The following RFX4 variants were observed in gnomAD, a reference collection of about 807,000 sequenced individuals.
RFX4 encodes the protein regulatory factor X4.
In RFX4, 10 loss-of-function variants were observed where a neutral mutation model predicts 95.0. The ratio of observed to expected loss-of-function variants is 0.11; its 90% CI spans 0.06 to 0.18. RFX4 has a LOEUF of 0.18. Ranked by LOEUF, RFX4 falls within the 10% of genes least tolerant of loss-of-function variation. The pLI, the probability that RFX4 is intolerant of heterozygous loss-of-function variation, is 1.00. For missense variants in RFX4, 640 were observed against 922.0 expected (o/e 0.69, Z 3.96); for synonymous variants, 321 against 340.7 (o/e 0.94, Z 0.64).
chr12:106,734,236 G>A (rs2042666759), intron 15 of RFX4, among the ~76,000 whole-genome samples: 1 of 152,190 alleles, frequency 6.6e-6, no homozygotes, highest in Non-Finnish European at 1.5e-5. Flanking sequence ...AAAAGCTCTG[G>A]AGATGGATGG....
intron 4 of RFX4, among the ~76,000 whole-genome samples, chr12:106,676,893 G>C (rs1231400646): frequency 6.6e-6 from 1 of 152,214 alleles, no homozygotes; most frequent in Non-Finnish European, 1.5e-5. Flanking sequence ...GGAATGAGAG[G>C]CTTCGAGACA....
intron 5 of RFX4, among the ~76,000 whole-genome samples, chr12:106,686,398 C>T (rs200645005): frequency 4.3e-5 from 6 of 141,008 alleles, no homozygotes; most frequent in Admixed American, 3.0e-4. Context: ...GGTGACAGAG[C>T]GAGACTCTGT....
chr12:106,617,099 GTTCT>G (rs2040087746), intron 2 of RFX4, among the ~76,000 whole-genome samples: 1 of 151,976 alleles, frequency 6.6e-6, no homozygotes, highest in Admixed American at 6.6e-5. Context: ...CTATGTTGAT[GTTCT>G]TTCATTTTTG....
intron 1 of RFX4, among the ~76,000 whole-genome samples, chr12:106,604,166 G>C (rs1366324261): frequency 1.4e-5 from 2 of 144,468 alleles, no homozygotes; most frequent in African/African-American, 5.2e-5. Flanking sequence ...TGTCACCCAG[G>C]CTGGAGTGCA....
intron 3 of RFX4, among the ~76,000 whole-genome samples, chr12:106,652,925 A>C (rs559511115): frequency 6.6e-6 from 1 of 152,196 alleles, no homozygotes; most frequent in East Asian, 1.9e-4. Context: ...ATTATGCCTT[A>C]TTTTTGACCA....
intron 1 of RFX4, among the ~76,000 whole-genome samples, chr12:106,588,850 G>A (rs909611241): frequency 1.3e-5 from 2 of 152,100 alleles, no homozygotes; most frequent in African/African-American, 4.8e-5. Flanking sequence ...TGAAACATAG[G>A]GTTTTTCTTT....
chr12:106,622,303 G>T (rs2137238812), intron 2 of RFX4, among the ~76,000 whole-genome samples: 1 of 152,206 alleles, frequency 6.6e-6, no homozygotes, highest in Admixed American at 6.5e-5. Context: ...TCTGAGGAAA[G>T]AAAAGAATTG....
chr12:106,739,602 TATTA>T (rs1488065340), intron 15 of RFX4, among the ~76,000 whole-genome samples: 6 of 152,334 alleles, frequency 3.9e-5, no homozygotes, highest in Non-Finnish European at 5.9e-5. Flanking sequence ...TGACTGTACT[TATTA>T]ATTGTTTTTT....
rs561525228 is a variant in RFX4, at chr12:106,602,697, C to G, written c.44-6100C>G. Among the ~76,000 whole-genome samples the G allele has an allele frequency of 8.5e-5, 13 of 152,288 alleles. No individual in the cohort carries two copies. The East Asian group carries it at 2.5e-3, about 29-fold the overall frequency. ...TCCCCTCTCTCTGAATCTTGGGAAA[C>G]CTTGCTCCCTCACTAAACTCAGTGT... is the stretch of plus-strand genomic sequence containing the variant. On this transcript the variant is annotated intron_variant, in intron 1 of 17. Transcript: ENST00000392842.
intron 10 of RFX4, 29 bp from the exon 11 acceptor site, chr12:106,715,371 G>A (rs1161924127): frequency 1.2e-6 from 2 of 1,606,550 alleles, no homozygotes; most frequent in Admixed American, 1.7e-5. Context: ...CAACCCATGA[G>A]CTAACGAGTT....
chr12:106,641,967 C>CTA (rs371927014), intron 3 of RFX4, among the ~76,000 whole-genome samples: 4,000 of 134,872 alleles, frequency 0.03, 188 homozygotes, highest in African/African-American at 0.1. Context: ...ATATCTATAT[C>CTA]TATCTATATC....
At chr12:106,751,712 T>C (rs1335630261) in intron 17 of RFX4, among the ~76,000 whole-genome samples, 1 of 152,026 alleles carries the variant, frequency 6.6e-6, no homozygotes, top group East Asian at 1.9e-4. Flanking sequence ...TTTTCATGTG[T>C]TTTTTGGCTG....
chr12:106,742,458 T>C (rs1352971229), intron 15 of RFX4, among the ~76,000 whole-genome samples: 2 of 152,164 alleles, frequency 1.3e-5, no homozygotes, highest in Admixed American at 1.3e-4. Context: ...GCTGGGATTA[T>C]AGGCATGCGA....
At chr12:106,600,013 T>C (rs1401639355) in intron 1 of RFX4, among the ~76,000 whole-genome samples, 1 of 152,120 alleles carries the variant, frequency 6.6e-6, no homozygotes, top group Non-Finnish European at 1.5e-5. Context: ...CCCACTCTAC[T>C]CAAAAACTTT....
chr12:106,738,019 C>T (rs2042743505), intron 15 of RFX4, among the ~76,000 whole-genome samples: 1 of 152,062 alleles, frequency 6.6e-6, no homozygotes, highest in Non-Finnish European at 1.5e-5. Context: ...GTTCACTGAA[C>T]ATTAAAAGGG....
chr12:106,738,511 T>C (rs2042751941), intron 15 of RFX4, among the ~76,000 whole-genome samples: 1 of 152,188 alleles, frequency 6.6e-6, no homozygotes, highest in Non-Finnish European at 1.5e-5. Flanking sequence ...GCTTCAGATA[T>C]TTCTGTGCAA....
Position 106,720,955 on chromosome 12 carries a change from A to G in RFX4, c.1351+79A>G. On this transcript the variant is annotated intron_variant, in intron 13 of 17. Transcript: ENST00000392842. The surrounding 1 kb of genome is among the most constrained non-coding windows in gnomAD (Gnocchi z 4.2). The stretch of plus-strand genomic sequence containing the variant: ...AGCCCAGAGGAATCTACCACAGTCT[A>G]ACTTGCTGTTTCTGCAAGGTCATCA... 1 of 1,241,064 alleles carries G rather than the reference A, an allele frequency of 8.1e-7. No individual in the cohort carries two copies. Among genetic ancestry groups the G allele is most frequent in the Non-Finnish European group, 1.2e-6 (1 of 849,086 alleles). 76.9% of individuals were successfully genotyped at this position (1,241,064 alleles called of 1,614,324 possible).
chr12:106,712,998 G>A lies in RFX4; in HGVS notation c.993+1487G>A, dbSNP rs182034226. ...GCCTATAGCCACGTGTTGCACAAGC[G>A]TAGGGGCGCACACACACGTTCCCTC... On this transcript the variant is annotated intron_variant, in intron 10 of 17. Transcript: ENST00000392842. Among the ~76,000 whole-genome samples, 39 of 152,236 alleles carry A rather than the reference G, an allele frequency of 2.6e-4. No individual in the cohort carries two copies. The East Asian group carries it at 4.6e-3, about 18-fold the overall frequency.
chr12:106,734,204 G>T (rs1256703465), intron 15 of RFX4, among the ~76,000 whole-genome samples: 9 of 152,174 alleles, frequency 5.9e-5, no homozygotes, highest in Admixed American at 5.9e-4. Context: ...AATAGGTACA[G>T]AGGTTCAGTA....
Sources: allele counts gnomAD v4.1 joint callset (sites outside exome capture counted in the v4.1 genomes callset), GRCh38; gene constraint gnomAD v4.1.1; non-coding constraint Gnocchi (gnomAD v3.1); transcripts MANE v1.5; gene names NCBI Gene and HGNC (gene_info 2026-07-23, HGNC 2026-07-21).